The following NPFFR1 variants were observed in gnomAD, a reference collection of about 807,000 sequenced individuals.
NPFFR1 encodes the protein neuropeptide FF receptor 1, also known as G-protein coupled receptor 147.
In NPFFR1, 17 loss-of-function variants were observed where a neutral mutation model predicts 12.7. That is an observed-to-expected ratio of 1.34 (90% confidence interval 0.92 to 2.01). NPFFR1 has a LOEUF of 2.01. NPFFR1 is among the 30% of genes most tolerant of loss of function. The probability of loss-of-function intolerance (pLI) is 0.00; values close to 1 mark genes in which losing one functional copy is unlikely to be tolerated. For synonymous variants in NPFFR1, 296 were observed against 264.5 expected (o/e 1.12, Z -1.16); for missense variants, 604 against 606.5 (o/e 1.00, Z 0.04).
intron 2 of NPFFR1, among the ~76,000 whole-genome samples, chr10:70,263,412 A>T (rs927979946): frequency 6.6e-6 from 1 of 152,040 alleles, no homozygotes; most frequent in African/African-American, 2.4e-5. Flanking sequence ...AGCTGGGACT[A>T]CAGGCACCCA....
intron 2 of NPFFR1, among the ~76,000 whole-genome samples, chr10:70,265,424 G>A (rs1339922502): frequency 2.6e-5 from 4 of 152,236 alleles, no homozygotes; most frequent in Non-Finnish European, 5.9e-5. Flanking sequence ...TCTGACATCT[G>A]CAGGATGCAC....
In NPFFR1 at chr10:70,283,780, T is replaced by C. The variant is rs1456602468; in HGVS notation, c.-104A>G. 6 of 1,313,974 alleles carry C rather than the reference T, an allele frequency of 4.6e-6. No individual in the cohort carries two copies. Among genetic ancestry groups the C allele is most frequent in the Non-Finnish European group, 6.3e-6 (6 of 950,228 alleles). The allele number at this position is 1,313,974 out of a possible 1,614,324, so 81.4% of individuals were successfully genotyped here. ...GGTCTCCGGGCACTTGGTTGCGGGC[T>C]GCGCCCCTGCCTCCGCGCTCCGCAG... is the stretch of plus-strand genomic sequence containing the variant. On this transcript the variant is annotated 5_prime_UTR_variant, in exon 1 of 4. Transcript: ENST00000277942.
rs554809760 is a variant in NPFFR1, at chr10:70,260,496, C to T, written c.422+144G>A. 3,044 of 728,874 alleles carry T rather than the reference C, an allele frequency of 4.2e-3. 12 individuals carry two copies. Among genetic ancestry groups the T allele is most frequent in the Non-Finnish European group, 6.0e-3 (2,524 of 423,570 alleles). The allele number at this position is 728,874 out of a possible 1,614,324, so 45.2% of individuals were successfully genotyped here. On this transcript the variant is annotated intron_variant, in intron 3 of 3. Transcript: ENST00000277942. ...AGGGAGAGGGCAGCTGGGCCCAGGG[C>T]CCTTCTCCTTGTGGCTCAGGATTTA...
rs746305266 is a variant in NPFFR1, at chr10:70,252,564, G to A, written c.*2393C>T. On this transcript the variant is annotated 3_prime_UTR_variant, in exon 4 of 4. Coordinates refer to ENST00000277942, the MANE Select transcript of NPFFR1 (RefSeq NM_022146.5). ...TATTTTACCACATCCACAAAGAAAC[G>A]AACTCCCCACATACCCACAATGTCT... The A allele has an allele frequency of 6.6e-6, 1 of 152,082 alleles. No individual in the cohort carries two copies. Among genetic ancestry groups the A allele is most frequent in the Non-Finnish European group, 1.5e-5 (1 of 68,006 alleles). 9.4% of individuals were successfully genotyped at this position (152,082 alleles called of 1,614,324 possible).
At chr10:70,262,429 T>C (rs947611752) in intron 2 of NPFFR1, among the ~76,000 whole-genome samples, 1 of 152,200 alleles carries the variant, frequency 6.6e-6, no homozygotes, top group African/African-American at 2.4e-5. Context: ...AAGAACTGTA[T>C]ACAAATTCTG....
In NPFFR1 at chr10:70,255,527, G is replaced by A. The variant is rs949425211; in HGVS notation, c.723C>T (p.Arg241=). Residue 241 remains arginine (R), a synonymous_variant, in exon 4 of 4, where the codon CGC becomes CGT. Coordinates refer to ENST00000277942, the MANE Select transcript of NPFFR1 (RefSeq NM_022146.5). The surrounding 1 kb of genome is among the most constrained non-coding windows in gnomAD (Gnocchi z 4.2). Reference sequence around the variant, plus strand: ...CCGGGCCCGGGGCCTGGCAGAGCTTGCGCGCGATGCGGGCGTACATGACCA... The same window carrying A: ...CCGGGCCCGGGGCCTGGCAGAGCTTACGCGCGATGCGGGCGTACATGACCA... ...LIVVMYARIA[R]KLCQAPGPAP... is the part of the protein sequence containing the mutation. 121 of 1,548,782 alleles carry A rather than the reference G, an allele frequency of 7.8e-5. No individual in the cohort carries two copies. Among genetic ancestry groups the A allele is most frequent in the Admixed American group, 2.0e-4 (10 of 50,898 alleles).
chr10:70,262,389 A>G (rs988845298), intron 2 of NPFFR1, among the ~76,000 whole-genome samples: 5 of 152,248 alleles, frequency 3.3e-5, no homozygotes, highest in African/African-American at 1.2e-4. Context: ...TTTGCAAAAC[A>G]GTATTTTGAC....
intron 1 of NPFFR1, among the ~76,000 whole-genome samples, chr10:70,267,438 C>A (rs568145147): frequency 6.6e-6 from 1 of 152,060 alleles, no homozygotes; most frequent in South Asian, 2.1e-4. Flanking sequence ...TTTTTTAAAC[C>A]CTCATTGAAT....
intron 2 of NPFFR1, among the ~76,000 whole-genome samples, chr10:70,265,371 G>A (rs1378655275): frequency 6.6e-6 from 1 of 152,212 alleles, no homozygotes; most frequent in Non-Finnish European, 1.5e-5. Flanking sequence ...TCTAAAACAA[G>A]AAAGGCCAGT....
rs763505127 is a variant in NPFFR1, at chr10:70,255,191, C to T, written c.1059G>A (p.Ser353=). ...CGGAGTAGGCCTCCTTGTGGCTCCC[C>T]GACGGGCGCGGGCAGAGGCGGGCGC... ...AFRARLCPRP[S]GSHKEAYSER... Residue 353 remains serine, a synonymous_variant, in exon 4 of 4, where the codon TCG becomes TCA. Coordinates refer to ENST00000277942, the MANE Select transcript of NPFFR1 (RefSeq NM_022146.5). The surrounding 1 kb of genome is among the most constrained non-coding windows in gnomAD (Gnocchi z 4.2). The T allele has an allele frequency of 4.5e-6, 7 of 1,550,212 alleles. No homozygotes were observed. In the East Asian group the frequency reaches 1.7e-4, roughly 38 times the overall value.
Position 70,250,905 on chromosome 10 carries a change from A to C in NPFFR1, c.*4052T>G, listed in dbSNP as rs1840504353. On this transcript the variant is annotated 3_prime_UTR_variant, in exon 4 of 4. Coordinates refer to ENST00000277942, the MANE Select transcript of NPFFR1 (RefSeq NM_022146.5). ...TTCCAAGAATGTTAAATATATTGAG[A>C]GATATATGCACAGAAAAGGACGCTA... 6.6e-6 allele frequency: 1 copy of C among 152,178 alleles called. No individual in the cohort carries two copies. Among genetic ancestry groups the C allele is most frequent in the Non-Finnish European group, 1.5e-5 (1 of 68,030 alleles). 9.4% of individuals were successfully genotyped at this position (152,178 alleles called of 1,614,324 possible). A position where few individuals can be genotyped will look rare whatever the true frequency, so the allele number is the denominator to read the frequency against.
At chr10:70,272,515 G>A (rs1385585805) in intron 1 of NPFFR1, among the ~76,000 whole-genome samples, 1 of 152,228 alleles carries the variant, frequency 6.6e-6, no homozygotes, top group Non-Finnish European at 1.5e-5. Context: ...CAGGACTGAT[G>A]GCTGTTAACT....
At chr10:70,265,960 T>C (rs1168426333) in intron 2 of NPFFR1, 117 bp downstream of exon 2, 6 of 937,440 alleles carry the variant, frequency 6.4e-6, no homozygotes, top group Non-Finnish European at 9.9e-6. Context: ...GACCACGGCA[T>C]GGCCAAGAGG....
chr10:70,255,153 C>T lies in NPFFR1; in HGVS notation c.1097G>A (p.Gly366Glu). Residue 366 changes from glycine (G) to glutamate (E), a missense_variant, in exon 4 of 4, where the codon GGG becomes GAG. Coordinates refer to ENST00000277942, the MANE Select transcript of NPFFR1 (RefSeq NM_022146.5). This position sits in a 1 kb window ranked among gnomAD's most constrained non-coding sequence, Gnocchi z 4.2. ...CACGAAGACCCGCCTGTGCAGAAGCCCGCCGGGCCGCTCGGAGTAGGCCTC... is the reference window on the plus strand; with the variant it reads ...CACGAAGACCCGCCTGTGCAGAAGCTCGCCGGGCCGCTCGGAGTAGGCCTC... Reference protein sequence around the residue: ...HKEAYSERPGGLLHRRVFVVV... With the variant: ...HKEAYSERPGELLHRRVFVVV... The T allele has an allele frequency of 6.5e-7, 1 of 1,540,072 alleles. No individual in the cohort carries two copies. The highest frequency in any genetic ancestry group is 1.4e-5 in the African/African-American group (1 of 72,936).
rs998319023 is a variant in NPFFR1, at chr10:70,254,360, C to T, written c.*597G>A. On this transcript the variant is annotated 3_prime_UTR_variant, in exon 4 of 4. Transcript: ENST00000277942. ...ACAAGACAAACCAACACATTAGAGCCGGCAGCGGGGGCACACCGTGTTCTT... is the reference window on the plus strand; with the variant it reads ...ACAAGACAAACCAACACATTAGAGCTGGCAGCGGGGGCACACCGTGTTCTT... 6.6e-6 allele frequency: 1 copy of T among 152,224 alleles called. No homozygotes were observed. The highest frequency in any genetic ancestry group is 1.5e-5 in the Non-Finnish European group (1 of 68,078). The allele number at this position is 152,224 out of a possible 1,614,324, so 9.4% of individuals were successfully genotyped here. A position where few individuals can be genotyped will look rare whatever the true frequency, so the allele number is the denominator to read the frequency against.
chr10:70,270,820 T>C (rs16927415), intron 1 of NPFFR1, among the ~76,000 whole-genome samples: 14,017 of 152,192 alleles, frequency 0.092, 719 homozygotes, highest in Middle Eastern at 0.17. Flanking sequence ...TTTTCATCCT[T>C]GAACCCGGTG....
chr10:70,273,321 G>A (rs1390294804), intron 1 of NPFFR1, among the ~76,000 whole-genome samples: 1 of 152,106 alleles, frequency 6.6e-6, no homozygotes, highest in African/African-American at 2.4e-5. Context: ...CTGCCCTCCC[G>A]CCACTCACAG....
At position 70,283,949 on chromosome 10, in the gene NPFFR1, C is replaced by T. The variant is rs989883692; in HGVS notation, c.-273G>A. On this transcript the variant is annotated 5_prime_UTR_variant, in exon 1 of 4. Transcript: ENST00000277942. ...CAGCCGCCCGCCGCCCCTCGCCTCC[C>T]GACCAGGGGAAGGAGGGGGCTCGTG... Among the ~76,000 whole-genome samples the T allele has an allele frequency of 1.3e-5, 2 of 152,172 alleles. No homozygotes were observed. Among genetic ancestry groups the T allele is most frequent in the African/African-American group, 4.8e-5 (2 of 41,452 alleles).
At chr10:70,267,075 T>C (rs1840701830) in intron 1 of NPFFR1, among the ~76,000 whole-genome samples, 1 of 152,222 alleles carries the variant, frequency 6.6e-6, no homozygotes, top group South Asian at 2.1e-4. Flanking sequence ...CCTTTCTGAG[T>C]GCACCATTTG....
Sources: gnomAD v4.1 joint callset for allele counts (sites outside exome capture counted in the v4.1 genomes callset) on GRCh38, gnomAD v4.1.1 for gene constraint, Gnocchi (gnomAD v3.1) non-coding constraint, MANE v1.5 for transcripts, NCBI Gene and HGNC (gene_info 2026-07-23, HGNC 2026-07-21) for gene names.